The following MIB1 variants were observed in gnomAD, a reference collection of about 807,000 sequenced individuals.
MIB1 encodes MIB E3 ubiquitin protein ligase 1.
Under a neutral mutation model 124.5 loss-of-function variants are expected in MIB1, and 278 were observed. That is an observed-to-expected ratio of 2.23 (90% CI 2.02 to 2.47). The LOEUF is 2.47. Among genes scored for constraint, MIB1 ranks in the 30% most tolerant of loss-of-function variants. The pLI, the probability that MIB1 is intolerant of heterozygous loss-of-function variation, is 0.00. For synonymous variants in MIB1, 446 were observed against 429.4 expected (o/e 1.04, Z -0.48); for missense variants, 957 against 1,254.4 (o/e 0.76, Z 3.58).
intron 6 of MIB1, among the ~76,000 whole-genome samples, chr18:21,784,631 T>G (rs1212288118): frequency 6.6e-6 from 1 of 152,192 alleles, no homozygotes; most frequent in Non-Finnish European, 1.5e-5. Context: ...TGTTCTACAA[T>G]TGTAACCTAG....
intron 1 of MIB1, among the ~76,000 whole-genome samples, chr18:21,707,337 TA>T (rs902212229): frequency 2.0e-5 from 3 of 152,018 alleles, no homozygotes; most frequent in Admixed American, 6.6e-5. Context: ...CAGCTCTCTG[TA>T]AAACAGACCA....
intron 13 of MIB1, among the ~76,000 whole-genome samples, chr18:21,841,392 G>A (rs1050967034): frequency 1.3e-5 from 2 of 151,884 alleles, no homozygotes; most frequent in African/African-American, 4.8e-5. Context: ...ATAAATAAAA[G>A]GACAAATAAC....
At chr18:21,722,947 G>T (rs988861454) in intron 1 of MIB1, among the ~76,000 whole-genome samples, 2 of 152,154 alleles carry the variant, frequency 1.3e-5, no homozygotes, top group African/African-American at 4.8e-5. Flanking sequence ...TTGGAAGAGA[G>T]TCACAAGTCT....
At chr18:21,791,225 ATATG>A (rs923896512) in intron 6 of MIB1, 145 bp from the exon 7 acceptor site, 2 of 548,936 alleles carry the variant, frequency 3.6e-6, no homozygotes, top group Non-Finnish European at 6.1e-6. Flanking sequence ...GTATCAATAT[ATATG>A]TATTTGTGTA....
At chr18:21,765,967 CA>C in intron 2 of MIB1, 24 bp downstream of exon 2, 3 of 1,610,214 alleles carry the variant, frequency 1.9e-6, no homozygotes, top group Non-Finnish European at 2.5e-6. Flanking sequence ...TTTTCTTCTT[CA>C]ACCGAGGGTT....
At chr18:21,806,210 T>G (rs1437108603) in intron 10 of MIB1, among the ~76,000 whole-genome samples, 3 of 151,698 alleles carry the variant, frequency 2.0e-5, no homozygotes, top group African/African-American at 7.3e-5. Flanking sequence ...GCCAGATTTT[T>G]TTTTTTTTTT....
At chr18:21,842,740 T>C (rs556563166) in intron 13 of MIB1, among the ~76,000 whole-genome samples, 18 of 152,348 alleles carry the variant, frequency 1.2e-4, no homozygotes, top group African/African-American at 4.1e-4. Flanking sequence ...AAAGTAAATC[T>C]AAATCCAGTA....
intron 7 of MIB1, among the ~76,000 whole-genome samples, chr18:21,796,934 G>T (rs1223376490): frequency 6.6e-6 from 1 of 152,126 alleles, no homozygotes; most frequent in Non-Finnish European, 1.5e-5. Flanking sequence ...GTAAGATAAA[G>T]AACTGTTTTT....
chr18:21,711,535 G>T (rs776279601), intron 1 of MIB1, among the ~76,000 whole-genome samples: 1 of 151,720 alleles, frequency 6.6e-6, no homozygotes, highest in African/African-American at 2.4e-5. Flanking sequence ...CGCCCACCTC[G>T]ACCTCCCAAA....
Position 21,791,572 on chromosome 18 carries a change from A to G in MIB1, c.1092+15A>G, listed in dbSNP as rs1224704195. ...CGATGCTTCCAGTAAGTATGTTTAG[A>G]ATAATTCTGGGCTAGAAATTACAAT... On this transcript the variant is annotated intron_variant, in intron 7 of 20. Transcript: ENST00000261537. 4 of 1,593,136 alleles carry G rather than the reference A, an allele frequency of 2.5e-6. No homozygotes were observed. Among genetic ancestry groups the G allele is most frequent in the Admixed American group, 1.7e-5 (1 of 58,394 alleles).
At chr18:21,857,538 G>A (rs558209198) in intron 19 of MIB1, among the ~76,000 whole-genome samples, 2 of 152,322 alleles carry the variant, frequency 1.3e-5, no homozygotes, top group East Asian at 3.9e-4. Flanking sequence ...TTTTTAAGAT[G>A]AAATTTAGTG....
intron 12 of MIB1, among the ~76,000 whole-genome samples, chr18:21,823,187 T>C (rs2041894407): frequency 6.7e-6 from 1 of 149,528 alleles, no homozygotes; most frequent in African/African-American, 2.5e-5. Context: ...TGAGCTGAGA[T>C]TGCACCACTG....
At chr18:21,861,965 A>T (rs552265526) in intron 20 of MIB1, among the ~76,000 whole-genome samples, 17 of 152,202 alleles carry the variant, frequency 1.1e-4, no homozygotes, top group Non-Finnish European at 2.1e-4. Flanking sequence ...GCAGTGGCAC[A>T]ATCATGGCTC....
chr18:21,741,762 ACCGCTGCT>A lies in MIB1; in HGVS notation c.183_190del (p.Cys62GlyfsTer17). ...TGGGACAACGGCACAGCTGCCAACTACCGCTGCTCCGGGGCTTACGACCTCCGCATCCT... is the reference window on the plus strand; with the variant it reads ...TGGGACAACGGCACAGCTGCCAACTACCGGGGCTTACGACCTCCGCATCCT... On this transcript the variant is annotated frameshift_variant, in exon 1 of 21. Coordinates refer to ENST00000261537, the MANE Select transcript of MIB1 (RefSeq NM_020774.4). LOFTEE classifies it high-confidence loss of function. This position sits in a 1 kb window ranked among gnomAD's most constrained non-coding sequence, Gnocchi z 5.4. 2 of 1,610,204 alleles carry A rather than the reference ACCGCTGCT, an allele frequency of 1.2e-6. No individual in the cohort carries two copies. Among genetic ancestry groups the A allele is most frequent in the Non-Finnish European group, 1.7e-6 (2 of 1,178,952 alleles).
intron 12 of MIB1, chr18:21,826,732 G>A (rs1328817180): frequency 3.9e-5 from 6 of 152,076 alleles, no homozygotes; most frequent in Admixed American, 3.3e-4. Flanking sequence ...TGCCTATAAA[G>A]TTAAGTGCTC....
intron 10 of MIB1, among the ~76,000 whole-genome samples, chr18:21,814,622 G>A (rs1471559562): frequency 2.6e-5 from 4 of 151,918 alleles, no homozygotes; most frequent in Non-Finnish European, 5.9e-5. Flanking sequence ...GCTCAGGCTT[G>A]GAGTGCAGTG....
intron 10 of MIB1, among the ~76,000 whole-genome samples, chr18:21,807,957 C>A (rs762027799): frequency 6.6e-5 from 10 of 152,160 alleles, no homozygotes; most frequent in African/African-American, 9.7e-5. Context: ...CACCTTTCCT[C>A]CCATTCCCCC....
intron 1 of MIB1, among the ~76,000 whole-genome samples, chr18:21,745,250 C>A (rs370632090): frequency 6.6e-6 from 1 of 152,142 alleles, no homozygotes; most frequent in African/African-American, 2.4e-5. Context: ...TGTTAAAGTG[C>A]GGAACAAAAC....
At chr18:21,732,372 A>G in intron 1 of MIB1, among the ~76,000 whole-genome samples, 1 of 151,552 alleles carries the variant, frequency 6.6e-6, no homozygotes, top group East Asian at 1.9e-4. Context: ...ACACACACAC[A>G]CACACACACA....
Sources: gnomAD v4.1 joint callset for allele counts (sites outside exome capture counted in the v4.1 genomes callset) on GRCh38, gnomAD v4.1.1 for gene constraint, Gnocchi (gnomAD v3.1) non-coding constraint, MANE v1.5 for transcripts, NCBI Gene and HGNC (gene_info 2026-07-23, HGNC 2026-07-21) for gene names.